Variants in INPP4B observed in about 807,000 individuals in gnomAD.
INPP4B encodes the protein inositol polyphosphate-4-phosphatase type II B.
In INPP4B, 55 loss-of-function variants were observed where a neutral mutation model predicts 122.5. The ratio of observed to expected loss-of-function variants is 0.45; its 90% CI spans 0.36 to 0.56. The LOEUF is 0.56. INPP4B is among the 20% of genes least tolerant of loss of function. INPP4B has a pLI of 0.00. For missense variants in INPP4B, 1,000 were observed against 1,097.7 expected (o/e 0.91, Z 1.26); for synonymous variants, 403 against 388.7 (o/e 1.04, Z -0.43).
At chr4:142,039,691 C>G (rs1187896741) in intron 25 of INPP4B, among the ~76,000 whole-genome samples, 1 of 151,336 alleles carries the variant, frequency 6.6e-6, no homozygotes, top group African/African-American at 2.4e-5. Context: ...CAGTTTTGAT[C>G]TTTGAATTTT....
chr4:142,775,435 T>C (rs1194886278), intron 1 of INPP4B, among the ~76,000 whole-genome samples: 2 of 152,176 alleles, frequency 1.3e-5, no homozygotes, highest in Non-Finnish European at 2.9e-5. Context: ...TATATCCATA[T>C]GGATATGTTG....
chr4:142,578,314 C>G (rs1162096520), intron 2 of INPP4B, among the ~76,000 whole-genome samples: 1 of 151,920 alleles, frequency 6.6e-6, no homozygotes, highest in Non-Finnish European at 1.5e-5. Flanking sequence ...TGCCTCGTGA[C>G]TATCTTATTT....
chr4:142,611,477 A>C (rs1164186032), intron 2 of INPP4B, among the ~76,000 whole-genome samples: 1 of 152,028 alleles, frequency 6.6e-6, no homozygotes, highest in Non-Finnish European at 1.5e-5. Flanking sequence ...TATATAACAT[A>C]CTCATAACTA....
intron 3 of INPP4B, among the ~76,000 whole-genome samples, chr4:142,458,875 AAAGT>A (rs2149569975): frequency 6.6e-6 from 1 of 152,306 alleles, no homozygotes; most frequent in East Asian, 1.9e-4. Context: ...AGAAATACTC[AAAGT>A]AAGTTAAGGC....
chr4:142,569,507 T>C (rs1732359006), intron 2 of INPP4B, among the ~76,000 whole-genome samples: 1 of 152,056 alleles, frequency 6.6e-6, no homozygotes, highest in South Asian at 2.1e-4. Flanking sequence ...TCATGACTAC[T>C]TTACAGAAGG....
intron 2 of INPP4B, among the ~76,000 whole-genome samples, chr4:142,569,405 G>A (rs1732338689): frequency 6.6e-6 from 1 of 151,686 alleles, no homozygotes. Flanking sequence ...ACCATGTAGT[G>A]CTAAGCATGT....
At chr4:142,670,688 C>T (rs1372679039) in intron 2 of INPP4B, among the ~76,000 whole-genome samples, 2 of 151,908 alleles carry the variant, frequency 1.3e-5, no homozygotes, top group Admixed American at 1.3e-4. Flanking sequence ...TTAAAGGATA[C>T]AAAATTTCAG....
intron 2 of INPP4B, among the ~76,000 whole-genome samples, chr4:142,471,217 G>T (rs1401178053): frequency 6.6e-6 from 1 of 151,966 alleles, no homozygotes; most frequent in Non-Finnish European, 1.5e-5. Context: ...TTTAATTAAC[G>T]ATCAAAATAG....
chr4:142,777,212 C>G (rs1774061321), intron 1 of INPP4B, among the ~76,000 whole-genome samples: 2 of 152,124 alleles, frequency 1.3e-5, no homozygotes, highest in South Asian at 4.1e-4. Context: ...TTGGCAGGAA[C>G]TCCTCCCTTA....
chr4:142,167,247 A>G (rs112914323), intron 16 of INPP4B, among the ~76,000 whole-genome samples: 14,916 of 151,890 alleles, frequency 0.098, 1,077 homozygotes, highest in African/African-American at 0.2. Flanking sequence ...TTGCAGGGAC[A>G]TGGATGGAGC....
chr4:142,532,440 C>T (rs75698901), intron 2 of INPP4B, among the ~76,000 whole-genome samples: 1,908 of 152,252 alleles, frequency 0.013, 16 homozygotes, highest in African/African-American at 0.024. Context: ...ATTTTCCTAA[C>T]CTCCATCCAA....
chr4:142,193,551 A>C (rs1182056801), intron 14 of INPP4B, among the ~76,000 whole-genome samples: 1 of 152,140 alleles, frequency 6.6e-6, no homozygotes, highest in African/African-American at 2.4e-5. Context: ...TTTAATTTGC[A>C]ATCATGTTGA....
intron 7 of INPP4B, among the ~76,000 whole-genome samples, chr4:142,350,024 G>A (rs1162874854): frequency 6.6e-6 from 1 of 151,856 alleles, no homozygotes; most frequent in Non-Finnish European, 1.5e-5. Flanking sequence ...TCTTGCTTTA[G>A]GACACAGACT....
At chr4:142,030,396 C>A in intron 25 of INPP4B, 2 of 994,276 alleles carry the variant, frequency 2.0e-6, no homozygotes, top group South Asian at 1.7e-5. Context: ...AAATACAATG[C>A]ATTATCTTAC....
chr4:142,183,925 T>C (rs1832014516), intron 15 of INPP4B, among the ~76,000 whole-genome samples: 1 of 152,108 alleles, frequency 6.6e-6, no homozygotes, highest in African/African-American at 2.4e-5. Flanking sequence ...TTTTCTGATA[T>C]ATCTCTAGGT....
intron 7 of INPP4B, among the ~76,000 whole-genome samples, chr4:142,391,315 T>C (rs988620854): frequency 1.3e-5 from 2 of 152,188 alleles, no homozygotes; most frequent in African/African-American, 4.8e-5. Flanking sequence ...CCCAGCACTC[T>C]GGGAAGCCGA....
At chr4:142,740,098 C>A (rs1767686407) in intron 1 of INPP4B, among the ~76,000 whole-genome samples, 1 of 151,996 alleles carries the variant, frequency 6.6e-6, no homozygotes, top group Non-Finnish European at 1.5e-5. Context: ...AATTAACTGT[C>A]AGTCTTTGCC....
intron 9 of INPP4B, among the ~76,000 whole-genome samples, chr4:142,283,341 A>G (rs1028150351): frequency 2.0e-5 from 3 of 152,102 alleles, no homozygotes; most frequent in African/African-American, 7.2e-5. Context: ...AATTTGAGAC[A>G]CTTATTTAGT....
intron 2 of INPP4B, among the ~76,000 whole-genome samples, chr4:142,502,590 G>C (rs943266214): frequency 2.6e-5 from 4 of 152,084 alleles, no homozygotes; most frequent in African/African-American, 9.7e-5. Context: ...CTGGGTTCAA[G>C]AGATTCTCCT....
Sources: allele counts gnomAD v4.1 joint callset (sites outside exome capture counted in the v4.1 genomes callset), GRCh38; gene constraint gnomAD v4.1.1; transcripts MANE v1.5; gene names NCBI Gene and HGNC (gene_info 2026-07-23, HGNC 2026-07-21).